Variants in KIN observed in about 807,000 individuals in gnomAD.
KIN encodes DNA/RNA-binding protein KIN17.
Under a neutral mutation model 63.0 loss-of-function variants are expected in KIN, and 47 were observed. That is an observed-to-expected ratio of 0.75 (90% CI 0.59 to 0.95). The LOEUF (loss-of-function observed/expected upper bound fraction) is 0.95, where lower values mean the gene tolerates loss of function less well. Among genes scored for constraint, KIN ranks in the 40% least tolerant of loss-of-function variants. The pLI is 0.00. For missense variants in KIN, 408 were observed against 460.9 expected (o/e 0.89, Z 1.05); for synonymous variants, 160 against 157.7 (o/e 1.01, Z -0.11).
intron 10 of KIN, 60 bp from the exon 11 acceptor site, chr10:7,762,616 G>A: frequency 1.1e-6 from 1 of 877,126 alleles, no homozygotes; most frequent in Non-Finnish European, 1.8e-6. Context: ...CATTTAAAAG[G>A]TCAAAAGCAA....
intron 7 of KIN, among the ~76,000 whole-genome samples, chr10:7,769,894 A>C (rs1440214776): frequency 6.6e-6 from 1 of 152,220 alleles, no homozygotes; most frequent in African/African-American, 2.4e-5. Flanking sequence ...GTGTTACTTA[A>C]AAGTTTTTAA....
intron 11 of KIN, among the ~76,000 whole-genome samples, chr10:7,760,971 CACATTTATATTTAT>C (rs1222041480): frequency 2.6e-5 from 4 of 152,126 alleles, no homozygotes; most frequent in African/African-American, 9.7e-5. Context: ...GAAAACAGGA[CACATTTATATTTAT>C]AGAAACTTAA....
intron 8 of KIN, 45 bp from the exon 9 acceptor site, chr10:7,766,148 T>C (rs755137628): frequency 4.3e-5 from 58 of 1,355,010 alleles, no homozygotes; most frequent in Non-Finnish European, 5.4e-5. Flanking sequence ...AAAATCCTCA[T>C]TGGATTTCAA....
intron 7 of KIN, among the ~76,000 whole-genome samples, chr10:7,769,936 A>G (rs1835632529): frequency 6.6e-6 from 1 of 151,920 alleles, no homozygotes; most frequent in African/African-American, 2.4e-5. Context: ...TAACAGTGTA[A>G]ATCCTTTTTT....
chr10:7,784,342 G>A (rs1835955928), intron 1 of KIN, among the ~76,000 whole-genome samples: 1 of 152,150 alleles, frequency 6.6e-6, no homozygotes. Flanking sequence ...CAGCACTTTG[G>A]GAGGCCAAGG....
chr10:7,762,828 G>A (rs758348073), intron 10 of KIN, among the ~76,000 whole-genome samples: 8 of 152,164 alleles, frequency 5.3e-5, no homozygotes, highest in Middle Eastern at 3.2e-3. Flanking sequence ...TCTAACAAGA[G>A]GGGTAGTTTT....
chr10:7,772,918 G>C (rs1291923905), intron 7 of KIN, among the ~76,000 whole-genome samples: 1 of 152,206 alleles, frequency 6.6e-6, no homozygotes, highest in Non-Finnish European at 1.5e-5. Context: ...CTTTGCAAAT[G>C]AGAGTAAGTT....
At chr10:7,769,451 A>C in intron 7 of KIN, 106 bp from the exon 8 acceptor site, 1 of 1,134,696 alleles carries the variant, frequency 8.8e-7, no homozygotes. Context: ...ATAGTAATTT[A>C]CAGGAGATTA....
chr10:7,785,513 C>G (rs1835983194), intron 1 of KIN, among the ~76,000 whole-genome samples: 3 of 152,020 alleles, frequency 2.0e-5, no homozygotes, highest in African/African-American at 7.2e-5. Flanking sequence ...AAAAAGACGG[C>G]TGGGCGCAGT....
At chr10:7,775,535 T>G (rs1225574539) in intron 6 of KIN, among the ~76,000 whole-genome samples, 1 of 152,190 alleles carries the variant, frequency 6.6e-6, no homozygotes, top group African/African-American at 2.4e-5. Context: ...ATTTCCTTAT[T>G]GTTTAAGTTA....
chr10:7,775,800 C>T lies in KIN; in HGVS notation c.559-1G>A, dbSNP rs989035974. ...TTAATTCCGTAAAAGTAGGGACCTC[C>T]TAAAAAAAAGAAAGTTTTAAGGTTT... On this transcript the variant is annotated splice_acceptor_variant, in intron 5 of 12. Coordinates refer to ENST00000379562, the MANE Select transcript of KIN (RefSeq NM_012311.4). LOFTEE classifies it high-confidence loss of function. 4 of 1,543,268 alleles carry T rather than the reference C, an allele frequency of 2.6e-6. No homozygotes were observed. The highest frequency in any genetic ancestry group is 3.5e-6 in the Non-Finnish European group (4 of 1,136,948).
At chr10:7,773,531 C>T (rs1835707959) in intron 7 of KIN, among the ~76,000 whole-genome samples, 1 of 152,172 alleles carries the variant, frequency 6.6e-6, no homozygotes, top group African/African-American at 2.4e-5. Context: ...ATGTAGAACC[C>T]AAATAACCAA....
intron 7 of KIN, among the ~76,000 whole-genome samples, chr10:7,769,944 T>C (rs955156150): frequency 1.3e-5 from 2 of 152,234 alleles, no homozygotes; most frequent in African/African-American, 2.4e-5. Context: ...TAAATCCTTT[T>C]TTTTGAGATG....
chr10:7,768,046 G>A (rs1361323427), intron 8 of KIN, among the ~76,000 whole-genome samples: 1 of 151,976 alleles, frequency 6.6e-6, no homozygotes, highest in Non-Finnish European at 1.5e-5. Context: ...TCATTGATAA[G>A]GTAGGCTATG....
At chr10:7,774,048 C>CCAG (rs1564320906) in intron 7 of KIN, among the ~76,000 whole-genome samples, 1 of 152,200 alleles carries the variant, frequency 6.6e-6, no homozygotes, top group Non-Finnish European at 1.5e-5. Flanking sequence ...GTACTGGAAC[C>CCAG]CAGCCATGCT....
At chr10:7,780,015 G>A (rs1448511357) in intron 4 of KIN, 41 bp downstream of exon 4, 2 of 1,593,550 alleles carry the variant, frequency 1.3e-6, no homozygotes, top group Non-Finnish European at 1.7e-6. Context: ...ATGAAGATTA[G>A]AAGTGGGAAA....
At chr10:7,787,569 C>A (rs995059085) in intron 1 of KIN, among the ~76,000 whole-genome samples, 1 of 152,184 alleles carries the variant, frequency 6.6e-6, no homozygotes, top group Non-Finnish European at 1.5e-5. Flanking sequence ...GATTTCATTT[C>A]TTTGGTGGTG....
At chr10:7,777,679 C>T (rs1835806590) in intron 5 of KIN, among the ~76,000 whole-genome samples, 1 of 151,888 alleles carries the variant, frequency 6.6e-6, no homozygotes, top group African/African-American at 2.4e-5. Flanking sequence ...GGGCGGATCA[C>T]CTGAGGTCAG....
rs1268209647 is a variant in KIN, at chr10:7,751,519, C to G, written c.*4561G>C. On this transcript the variant is annotated 3_prime_UTR_variant, in exon 13 of 13. Coordinates refer to ENST00000379562, the MANE Select transcript of KIN (RefSeq NM_012311.4). ...CTGGAGGCCAGGAGTTCAAGACCAG[C>G]CTAAGCAACACAGTGAGACTCCCAT... 6.6e-6 allele frequency: 1 copy of G among 151,526 alleles called. No individual in the cohort carries two copies. The highest frequency in any genetic ancestry group is 1.5e-5 in the Non-Finnish European group (1 of 67,854). 9.4% of individuals were successfully genotyped at this position (151,526 alleles called of 1,614,324 possible).
Sources: allele counts gnomAD v4.1 joint callset (sites outside exome capture counted in the v4.1 genomes callset), GRCh38; gene constraint gnomAD v4.1.1; transcripts MANE v1.5; gene names NCBI Gene and HGNC (gene_info 2026-07-23, HGNC 2026-07-21).